The following THUMPD2 variants were observed in gnomAD, a reference collection of about 807,000 sequenced individuals.
THUMPD2 encodes THUMP domain 2 tRNA and snRNA guanosine methyltransferase, also known as U6 snRNA (guanine-N(2))-methyltransferase THUMPD2.
Under a neutral mutation model 49.4 loss-of-function variants are expected in THUMPD2, and 56 were observed. The observed-to-expected ratio is 1.13, with a 90% CI of 0.91 to 1.41. The LOEUF is 1.41. THUMPD2 is among the 40% of genes most tolerant of loss of function. The probability of loss-of-function intolerance (pLI) is 0.00; values close to 1 mark genes in which losing one functional copy is unlikely to be tolerated. For missense variants in THUMPD2, 709 were observed against 594.5 expected (o/e 1.19, Z -2.00); for synonymous variants, 237 against 205.2 (o/e 1.15, Z -1.32).
chr2:39,769,004 A>T (rs747047627), intron 3 of THUMPD2: 98 of 1,304,566 alleles, frequency 7.5e-5, no homozygotes, highest in Non-Finnish European at 9.8e-5. Flanking sequence ...TGGTGATGGC[A>T]ACAGTTTGTG....
At chr2:39,771,690 C>A (rs762922104) in intron 1 of THUMPD2, 50 bp from the exon 2 acceptor site, 4 of 1,545,918 alleles carry the variant, frequency 2.6e-6, no homozygotes, top group Admixed American at 4.5e-5. Flanking sequence ...AGTGAAAAAA[C>A]CATATTTTTT....
At chr2:39,775,292 AG>A (rs1250344744) in intron 1 of THUMPD2, among the ~76,000 whole-genome samples, 3 of 152,286 alleles carry the variant, frequency 2.0e-5, no homozygotes, top group African/African-American at 7.2e-5. Context: ...TTTTTTAAAA[AG>A]TTTAAATCTA....
intron 9 of THUMPD2, among the ~76,000 whole-genome samples, chr2:39,738,089 C>A (rs1358896684): frequency 6.6e-6 from 1 of 152,098 alleles, no homozygotes; most frequent in Non-Finnish European, 1.5e-5. Context: ...TGGATGGGAT[C>A]ACCTGGGGTG....
chr2:39,778,790 G>A (rs568364996), intron 1 of THUMPD2, among the ~76,000 whole-genome samples: 7 of 152,176 alleles, frequency 4.6e-5, no homozygotes, highest in Admixed American at 6.5e-5. Context: ...AAGAGCGAAG[G>A]GTTCTAACTC....
At chr2:39,739,717 C>G (rs1673651722) in intron 9 of THUMPD2, among the ~76,000 whole-genome samples, 1 of 152,068 alleles carries the variant, frequency 6.6e-6, no homozygotes, top group African/African-American at 2.4e-5. Flanking sequence ...GATGAGTAGG[C>G]AGAAGATAAA....
intron 8 of THUMPD2, among the ~76,000 whole-genome samples, chr2:39,747,417 G>C (rs1236883804): frequency 5.3e-5 from 8 of 152,114 alleles, no homozygotes; most frequent in Non-Finnish European, 1.2e-4. Context: ...TAATCAAGAA[G>C]TCCATAAACA....
intron 8 of THUMPD2, among the ~76,000 whole-genome samples, chr2:39,746,598 T>C (rs1674625433): frequency 6.6e-6 from 1 of 152,086 alleles, no homozygotes; most frequent in Non-Finnish European, 1.5e-5. Context: ...CAAGTAAAAA[T>C]CATCTTTTTA....
intron 1 of THUMPD2, among the ~76,000 whole-genome samples, chr2:39,775,293 G>C (rs1294867327): frequency 2.0e-5 from 3 of 152,082 alleles, no homozygotes; most frequent in Admixed American, 1.3e-4. Flanking sequence ...TTTTTAAAAA[G>C]TTTAAATCTA....
chr2:39,753,633 T>C (rs1675721234), intron 8 of THUMPD2, among the ~76,000 whole-genome samples: 2 of 152,184 alleles, frequency 1.3e-5, no homozygotes, highest in African/African-American at 4.8e-5. Flanking sequence ...ACCATCCGTC[T>C]TCCCCATCTC....
At position 39,769,996 on chromosome 2, in the gene THUMPD2, T is replaced by A; in HGVS notation, c.386A>T (p.Asp129Val). ...DAKKEKLSQR[D>V]DNQLKRKVGE... ...CACTTTTCTTTTTAGTTGGTTATCATCTCTCTGAGAAAGTTTTTCCTTTTT... is the reference window on the plus strand; with the variant it reads ...CACTTTTCTTTTTAGTTGGTTATCAACTCTCTGAGAAAGTTTTTCCTTTTT... The change falls in exon 3 of 10, where the codon GAT (aspartate) becomes GTT (valine). Residue 129 changes from aspartate (D) to valine (V), a missense_variant. By Grantham distance (152) the Asp-to-Val change is radical. Transcript: ENST00000505747. 2.5e-6 allele frequency: 4 copies of A among 1,577,404 alleles called. No homozygotes were observed. In the South Asian group the frequency reaches 3.6e-5, roughly 14 times the overall value.
chr2:39,744,122 T>C (rs1674269533), intron 9 of THUMPD2, among the ~76,000 whole-genome samples: 1 of 151,936 alleles, frequency 6.6e-6, no homozygotes. Context: ...TAGGTCACTA[T>C]TTCATACATT....
intron 5 of THUMPD2, among the ~76,000 whole-genome samples, chr2:39,761,920 C>T (rs887408070): frequency 1.3e-5 from 2 of 152,106 alleles, no homozygotes; most frequent in African/African-American, 4.8e-5. Flanking sequence ...TGAAGCATGA[C>T]ATTGCATTGT....
chr2:39,772,992 AC>A (rs912989945), intron 1 of THUMPD2, among the ~76,000 whole-genome samples: 5 of 152,340 alleles, frequency 3.3e-5, no homozygotes, highest in Admixed American at 2.0e-4. Context: ...ACAGCAAAGC[AC>A]TGACCAAAAT....
chr2:39,740,175 T>C (rs1176971875), intron 9 of THUMPD2, among the ~76,000 whole-genome samples: 5 of 152,288 alleles, frequency 3.3e-5, no homozygotes, highest in African/African-American at 1.2e-4. Context: ...CTTGGTCATA[T>C]AGTTAAGTTT....
intron 3 of THUMPD2, chr2:39,768,823 C>T: frequency 9.3e-7 from 1 of 1,078,592 alleles, no homozygotes; most frequent in Non-Finnish European, 1.2e-6. Context: ...GAAATAGATG[C>T]AAGCTGAAAG....
At chr2:39,774,225 G>C (rs1678771490) in intron 1 of THUMPD2, among the ~76,000 whole-genome samples, 1 of 152,226 alleles carries the variant, frequency 6.6e-6, no homozygotes, top group Non-Finnish European at 1.5e-5. Context: ...AACTTAACTG[G>C]AACAGTTGGA....
chr2:39,761,182 G>C lies in THUMPD2; in HGVS notation c.891+149C>G. On this transcript the variant is annotated intron_variant, in intron 6 of 9. Coordinates refer to ENST00000505747, the MANE Select transcript of THUMPD2 (RefSeq NM_025264.5). ...TATAAAAGCATTACTGCAGCAGTTT[G>C]TAAGTACAATGGCAAAAAGAAAAGA... 4.6e-6 allele frequency: 3 copies of C among 655,426 alleles called. No individual in the cohort carries two copies. The South Asian group carries it at 7.2e-5, about 16-fold the overall frequency. 40.6% of individuals were successfully genotyped at this position (655,426 alleles called of 1,614,324 possible).
chr2:39,771,675 G>A lies in THUMPD2; in HGVS notation c.127-35C>T. ...GAAAAACAGCTTTTAATGTAGTCCA[G>A]TGTCAGTGAAAAAACCATATTTTTT... On this transcript the variant is annotated intron_variant, in intron 1 of 9. Transcript: ENST00000505747. 5.1e-6 allele frequency: 8 copies of A among 1,572,704 alleles called. No homozygotes were observed. In the South Asian group the frequency reaches 6.0e-5, roughly 12 times the overall value.
intron 6 of THUMPD2, among the ~76,000 whole-genome samples, chr2:39,760,988 C>T (rs1239794658): frequency 6.6e-6 from 1 of 152,088 alleles, no homozygotes; most frequent in African/African-American, 2.4e-5. Context: ...GTCCATAGAA[C>T]ATTTACAAAA....
Sources: gnomAD v4.1 joint callset for allele counts (sites outside exome capture counted in the v4.1 genomes callset) on GRCh38, gnomAD v4.1.1 for gene constraint, MANE v1.5 for transcripts, NCBI Gene and HGNC (gene_info 2026-07-23, HGNC 2026-07-21) for gene names.